Variants in NRXN1 observed in about 807,000 individuals in gnomAD.
NRXN1 encodes the protein neurexin 1.
In NRXN1, 39 loss-of-function variants were observed where a neutral mutation model predicts 150.9. That is an observed-to-expected ratio of 0.26 (90% CI 0.20 to 0.34). NRXN1 has a LOEUF of 0.34. Ranked by LOEUF, NRXN1 falls within the 10% of genes least tolerant of loss-of-function variation. The probability of loss-of-function intolerance (pLI) is 1.00; values close to 1 mark genes in which losing one functional copy is unlikely to be tolerated. For missense variants in NRXN1, 1,815 were observed against 1,949.9 expected, an observed-to-expected ratio of 0.93 and a Z score of 1.30; for synonymous variants, 924 against 757.0, an observed-to-expected ratio of 1.22 and a Z score of -3.62.
intron 18 of NRXN1, among the ~76,000 whole-genome samples, chr2:50,109,170 T>A (rs983253190): frequency 1.3e-5 from 2 of 152,176 alleles, no homozygotes; most frequent in Non-Finnish European, 2.9e-5. Context: ...TTAGAAAATG[T>A]CCATAATGGA....
At chr2:50,751,942 T>C (rs1700642242) in intron 5 of NRXN1, among the ~76,000 whole-genome samples, 1 of 151,842 alleles carries the variant, frequency 6.6e-6, no homozygotes, top group African/African-American at 2.4e-5. Context: ...CAGTGCCTAG[T>C]GAACAGTAAG....
chr2:50,479,885 TGCCTCA>T (rs2090328535), intron 15 of NRXN1, among the ~76,000 whole-genome samples: 1 of 146,772 alleles, frequency 6.8e-6, no homozygotes, highest in South Asian at 2.3e-4. Context: ...GCAATTCTCC[TGCCTCA>T]GCCTCCAGAG....
intron 3 of NRXN1, among the ~76,000 whole-genome samples, chr2:50,923,085 A>G (rs528822800): frequency 6.6e-5 from 10 of 151,958 alleles, no homozygotes; most frequent in African/African-American, 9.6e-5. Context: ...TTAAAACCCA[A>G]TGGAATACAT....
chr2:50,480,275 T>C (rs188601412), intron 15 of NRXN1, among the ~76,000 whole-genome samples: 3 of 152,300 alleles, frequency 2.0e-5, no homozygotes, highest in African/African-American at 4.8e-5. Context: ...GGAGTATCAG[T>C]GTGCGTAGTA....
intron 12 of NRXN1, among the ~76,000 whole-genome samples, chr2:50,516,215 C>A (rs2092627266): frequency 6.6e-6 from 1 of 152,024 alleles, no homozygotes; most frequent in Non-Finnish European, 1.5e-5. Context: ...TTTGAGAGTC[C>A]ATTGCAAATA....
At chr2:50,746,841 G>T (rs186535159) in intron 5 of NRXN1, among the ~76,000 whole-genome samples, 5 of 152,168 alleles carry the variant, frequency 3.3e-5, no homozygotes, top group Admixed American at 3.3e-4. Context: ...AAATGAGAAG[G>T]ACCGTTTCAA....
chr2:50,303,128 T>C (rs1031338153), intron 17 of NRXN1, among the ~76,000 whole-genome samples: 15 of 152,178 alleles, frequency 9.9e-5, no homozygotes, highest in East Asian at 1.9e-4. Flanking sequence ...CTGGATCTCA[T>C]TGGAGTAACA....
rs566690162 is a variant in NRXN1 at position 50,003,780 on chromosome 2, A to C, written c.4128+49491T>G. Among the ~76,000 whole-genome samples the C allele has an allele frequency of 2.0e-4, 31 of 152,266 alleles. No homozygotes were observed. In the East Asian group the frequency reaches 3.3e-3, roughly 16 times the overall value. ...AAATAGATAATATTTCCAACATTTCATGAGGAGCTATGGGGAAGAAATGAT... is the reference window on the plus strand; with the variant it reads ...AAATAGATAATATTTCCAACATTTCCTGAGGAGCTATGGGGAAGAAATGAT... On this transcript the variant is annotated intron_variant, in intron 21 of 22. Coordinates refer to ENST00000401669, the MANE Select transcript of NRXN1 (RefSeq NM_001330078.2).
chr2:49,993,106 A>C (rs1592726), intron 21 of NRXN1, among the ~76,000 whole-genome samples: 1 of 152,006 alleles, frequency 6.6e-6, no homozygotes, highest in Non-Finnish European at 1.5e-5. Flanking sequence ...AAAACCTGCA[A>C]AGAGATGCTT....
intron 5 of NRXN1, among the ~76,000 whole-genome samples, chr2:50,773,374 T>G (rs2105463719): frequency 6.6e-6 from 1 of 152,278 alleles, no homozygotes; most frequent in Middle Eastern, 3.4e-3. Flanking sequence ...AGAAAGAATA[T>G]AAGAAGTTAA....
chr2:50,300,177 T>G (rs1001611524), intron 17 of NRXN1, among the ~76,000 whole-genome samples: 2 of 152,178 alleles, frequency 1.3e-5, no homozygotes, highest in African/African-American at 4.8e-5. Flanking sequence ...GTAATAATAC[T>G]GACAAAAAGA....
chr2:50,223,552 C>T (rs750061937), intron 18 of NRXN1, among the ~76,000 whole-genome samples: 6 of 151,876 alleles, frequency 4.0e-5, no homozygotes, highest in African/African-American at 1.2e-4. Flanking sequence ...CCTTACTCTG[C>T]GTAATAGGGC....
At chr2:50,532,340 A>G (rs184957372) in intron 10 of NRXN1, among the ~76,000 whole-genome samples, 1 of 152,030 alleles carries the variant, frequency 6.6e-6, no homozygotes, top group Admixed American at 6.6e-5. Context: ...CTGCCCTGAT[A>G]GAATTATTTT....
At chr2:50,308,741 G>A (rs1440130029) in intron 17 of NRXN1, among the ~76,000 whole-genome samples, 1 of 152,098 alleles carries the variant, frequency 6.6e-6, no homozygotes, top group Non-Finnish European at 1.5e-5. Flanking sequence ...TTAGTGTTAC[G>A]CTTTCCAGAC....
At chr2:50,081,304 C>A (rs183464448) in intron 19 of NRXN1, among the ~76,000 whole-genome samples, 35 of 152,272 alleles carry the variant, frequency 2.3e-4, no homozygotes, top group Non-Finnish European at 4.0e-4. Flanking sequence ...CCTGGCCAGG[C>A]GCAGTGGCTC....
rs760530144 is a variant in NRXN1, at chr2:50,334,209, A to ATATATATATATATATATATATGTATG, written c.3365-97240_3365-97239insCATACATATATATATATATATATATA. Among the ~76,000 whole-genome samples the ATATATATATATATATATATATGTATG allele has an allele frequency of 7.7e-4, 94 of 121,460 alleles. 1 individual carries two copies. The highest frequency in any genetic ancestry group is 3.6e-3 in the African/African-American group (83 of 22,868). 79.7% of individuals were successfully genotyped at this position (121,460 alleles called of 152,430 possible). A position where few individuals can be genotyped will look rare whatever the true frequency, so the allele number is the denominator to read the frequency against. On this transcript the variant is annotated intron_variant, in intron 17 of 22. Coordinates refer to ENST00000401669, the MANE Select transcript of NRXN1 (RefSeq NM_001330078.2). ...CAGGACCAAATATATATATATATATATATGTATGTAGATATTGTTTAACGG... is the reference window on the plus strand; with the variant it reads ...CAGGACCAAATATATATATATATATATATATATATATATATATATATGTATGTATGTATGTAGATATTGTTTAACGG...
chr2:50,650,875 T>C (rs934694541), intron 5 of NRXN1, among the ~76,000 whole-genome samples: 1 of 152,058 alleles, frequency 6.6e-6, no homozygotes. Context: ...ATAGTTAATA[T>C]TTGAATATAA....
At chr2:50,504,567 T>C (rs968662901) in intron 13 of NRXN1, among the ~76,000 whole-genome samples, 3 of 152,162 alleles carry the variant, frequency 2.0e-5, no homozygotes, top group African/African-American at 4.8e-5. Context: ...CTTTCTAAAA[T>C]ACATTTCTTA....
At chr2:50,397,320 C>A (rs1558661071) in intron 17 of NRXN1, among the ~76,000 whole-genome samples, 1 of 152,080 alleles carries the variant, frequency 6.6e-6, no homozygotes, top group Non-Finnish European at 1.5e-5. Flanking sequence ...ACACCTAATG[C>A]TGACTTAGCC....
Sources: gnomAD v4.1 joint callset for allele counts (sites outside exome capture counted in the v4.1 genomes callset) on GRCh38, gnomAD v4.1.1 for gene constraint, MANE v1.5 for transcripts, NCBI Gene and HGNC (gene_info 2026-07-23, HGNC 2026-07-21) for gene names.